Variants in FGF12 observed in about 807,000 individuals in gnomAD.
The protein encoded by FGF12 is fibroblast growth factor 12, also known as fibroblast growth factor 12B.
In FGF12, 14 loss-of-function variants were observed where a neutral mutation model predicts 23.6. The observed-to-expected ratio is 0.59, with a 90% confidence interval of 0.39 to 0.93. The LOEUF (loss-of-function observed/expected upper bound fraction) is 0.93. Among genes scored for constraint, FGF12 ranks in the 40% least tolerant of loss-of-function variants. The pLI, the probability that FGF12 is intolerant of heterozygous loss-of-function variation, is 0.00. For missense variants in FGF12, 175 were observed against 217.8 expected, an observed-to-expected ratio of 0.80 and a Z score of 1.24; for synonymous variants, 62 against 77.3, an observed-to-expected ratio of 0.80 and a Z score of 1.04.
At chr3:192,605,990 C>T (rs994051155) in intron 2 of FGF12, among the ~76,000 whole-genome samples, 2 of 152,156 alleles carry the variant, frequency 1.3e-5, no homozygotes, top group Non-Finnish European at 2.9e-5. Flanking sequence ...AAGAGAACTA[C>T]CATTCAACCC....
chr3:192,350,144 T>C (rs1718151408), intron 3 of FGF12, among the ~76,000 whole-genome samples: 1 of 152,056 alleles, frequency 6.6e-6, no homozygotes, highest in Non-Finnish European at 1.5e-5. Flanking sequence ...GTCAATGCCC[T>C]TAAGTAGTTC....
chr3:192,378,095 T>TG (rs763967958), intron 2 of FGF12, among the ~76,000 whole-genome samples: 4,439 of 82,604 alleles, frequency 0.054, 364 homozygotes, highest in East Asian at 0.08. Flanking sequence ...TCTTTCTTTC[T>TG]TCTTTCTTTC....
intron 2 of FGF12, chr3:192,516,366 A>C (rs1724667073): frequency 6.6e-6 from 1 of 152,278 alleles, no homozygotes; most frequent in East Asian, 1.9e-4. Flanking sequence ...CCAACAACTG[A>C]CCTCACCTTT....
chr3:192,500,778 T>A (rs956897678), intron 2 of FGF12, among the ~76,000 whole-genome samples: 1 of 152,224 alleles, frequency 6.6e-6, no homozygotes, highest in Non-Finnish European at 1.5e-5. Context: ...GCTTTGCATA[T>A]ATTAACTCAT....
intron 2 of FGF12, among the ~76,000 whole-genome samples, chr3:192,429,825 A>C (rs1440579050): frequency 1.3e-5 from 2 of 152,170 alleles, no homozygotes; most frequent in Non-Finnish European, 2.9e-5. Flanking sequence ...TTTTGCTAGA[A>C]AATACTCTCA....
At chr3:192,474,002 A>G (rs1723245163) in intron 2 of FGF12, among the ~76,000 whole-genome samples, 1 of 152,210 alleles carries the variant, frequency 6.6e-6, no homozygotes, top group Non-Finnish European at 1.5e-5. Context: ...CATGAATTAA[A>G]TATTTATTGT....
rs76972630 is a variant in FGF12, at chr3:192,331,287, A to G, written c.228+4074T>C. ...GGGAAGGTAAAATGATGCTGCTGAT[A>G]GGGAAAACAGTATGGAGTTTTCTCA... On this transcript the variant is annotated intron_variant, in intron 4 of 5. Coordinates refer to ENST00000445105, the MANE Select transcript of FGF12 (RefSeq NM_004113.6). Among the ~76,000 whole-genome samples the G allele has an allele frequency of 9.8e-3, 1,422 of 144,760 alleles. 24 individuals are homozygous for G. The highest frequency in any genetic ancestry group is 0.033 in the African/African-American group (1,329 of 40,094). 95.0% of individuals were successfully genotyped at this position (144,760 alleles called of 152,430 possible).
At chr3:192,337,950 C>G (rs1297425290) in intron 3 of FGF12, among the ~76,000 whole-genome samples, 1 of 152,106 alleles carries the variant, frequency 6.6e-6, no homozygotes, top group Non-Finnish European at 1.5e-5. Context: ...CTGATACATT[C>G]ATTAATTGTA....
At chr3:192,238,272 G>C (rs1486615223) in intron 4 of FGF12, 1 of 152,682 alleles carries the variant, frequency 6.5e-6, no homozygotes, top group African/African-American at 2.4e-5. Flanking sequence ...TTGCTCCAGT[G>C]GGGCAGTGGG....
chr3:192,534,725 C>T (rs1435427333), intron 2 of FGF12, among the ~76,000 whole-genome samples: 1 of 152,094 alleles, frequency 6.6e-6, no homozygotes, highest in Non-Finnish European at 1.5e-5. Flanking sequence ...ATTTGATGTT[C>T]TTTGCAGTGC....
chr3:192,557,581 C>A (rs912624843), intron 2 of FGF12, among the ~76,000 whole-genome samples: 6 of 151,824 alleles, frequency 4.0e-5, no homozygotes, highest in Non-Finnish European at 7.4e-5. Context: ...ACACCATTAC[C>A]TTGATAGCAA....
At chr3:192,410,435 A>G (rs1203527405) in intron 2 of FGF12, among the ~76,000 whole-genome samples, 1 of 152,070 alleles carries the variant, frequency 6.6e-6, no homozygotes, top group Non-Finnish European at 1.5e-5. Context: ...AAACACAACC[A>G]CAGTGGGAGT....
chr3:192,209,034 CTACATTACT>C (rs2108675475), intron 4 of FGF12, among the ~76,000 whole-genome samples: 1 of 152,124 alleles, frequency 6.6e-6, no homozygotes, highest in East Asian at 1.9e-4. Flanking sequence ...TTATACTTGG[CTACATTACT>C]TAAAAAGTTA....
intron 2 of FGF12, among the ~76,000 whole-genome samples, chr3:192,450,869 C>T (rs1395990271): frequency 6.6e-6 from 1 of 152,152 alleles, no homozygotes; most frequent in Non-Finnish European, 1.5e-5. Context: ...AACCCTTTTC[C>T]AAAGCATTTC....
chr3:192,623,832 G>A (rs2108649897), intron 2 of FGF12, among the ~76,000 whole-genome samples: 1 of 152,252 alleles, frequency 6.6e-6, no homozygotes, highest in East Asian at 1.9e-4. Flanking sequence ...GTGCATCAGA[G>A]CTGAGCCCTT....
intron 4 of FGF12, among the ~76,000 whole-genome samples, chr3:192,240,605 C>T (rs1719566340): frequency 1.3e-5 from 2 of 152,118 alleles, no homozygotes; most frequent in African/African-American, 4.8e-5. Context: ...ACCTAGTGCA[C>T]AGTGATTATC....
At chr3:192,689,416 TA>T (rs941116410) in intron 2 of FGF12, among the ~76,000 whole-genome samples, 9 of 151,946 alleles carry the variant, frequency 5.9e-5, no homozygotes, top group African/African-American at 1.9e-4. Context: ...AAAAACAGTT[TA>T]AAAAATTAGG....
At chr3:192,505,504 C>G (rs558807566) in intron 2 of FGF12, among the ~76,000 whole-genome samples, 14 of 152,206 alleles carry the variant, frequency 9.2e-5, no homozygotes, top group African/African-American at 3.4e-4. Flanking sequence ...AAAATTCACA[C>G]GCATAGAATA....
At chr3:192,275,582 T>C (rs1034526387) in intron 4 of FGF12, among the ~76,000 whole-genome samples, 2 of 152,144 alleles carry the variant, frequency 1.3e-5, no homozygotes, top group Non-Finnish European at 2.9e-5. Flanking sequence ...AAAGGTTTTG[T>C]GAAGGTGGTG....
Sources: allele counts gnomAD v4.1 joint callset (sites outside exome capture counted in the v4.1 genomes callset), GRCh38; gene constraint gnomAD v4.1.1; transcripts MANE v1.5; gene names NCBI Gene and HGNC (gene_info 2026-07-23, HGNC 2026-07-21).